The following TRAK1 variants were observed in gnomAD, a reference collection of about 807,000 sequenced individuals.
TRAK1 encodes the protein trafficking kinesin-binding protein 1.
In TRAK1, 33 loss-of-function variants were observed where a neutral mutation model predicts 92.1. The ratio of observed to expected loss-of-function variants is 0.36; its 90% CI spans 0.27 to 0.48. TRAK1 has a LOEUF of 0.48. TRAK1 is among the 20% of genes least tolerant of loss of function. The pLI is 0.99. For missense variants in TRAK1, 1,123 were observed against 1,257.9 expected (o/e 0.89, Z 1.62); for synonymous variants, 521 against 517.3 (o/e 1.01, Z -0.10).
At chr3:42,087,412 C>G (rs1704731101), upstream of TRAK1, 1 of 152,934 alleles carries the variant, frequency 6.5e-6, no homozygotes, top group African/African-American at 2.4e-5. Flanking sequence ...TATGGGGGCC[C>G]TTTCCCTGCC....
intron 1 of TRAK1, among the ~76,000 whole-genome samples, chr3:42,100,202 A>G (rs1706544195): frequency 6.6e-6 from 1 of 152,154 alleles, no homozygotes; most frequent in Admixed American, 6.6e-5. Context: ...TCCCATCTCT[A>G]CAAAAAATAC....
At chr3:42,042,508 A>G (rs1254007103) in intron 1 of TRAK1, among the ~76,000 whole-genome samples, 1 of 151,952 alleles carries the variant, frequency 6.6e-6, no homozygotes, top group East Asian at 1.9e-4. Context: ...AGTAGCTGAA[A>G]TTACAGGCAT....
At chr3:42,101,724 A>G (rs1532496) in intron 1 of TRAK1, among the ~76,000 whole-genome samples, 105,551 of 152,104 alleles carry the variant, frequency 0.69, 36,833 homozygotes, top group South Asian at 0.81. Flanking sequence ...TATGAAAATA[A>G]CAGAGGGCTG....
chr3:42,025,674 T>A (rs1234603805), intron 1 of TRAK1, among the ~76,000 whole-genome samples: 1 of 103,612 alleles, frequency 9.7e-6, no homozygotes, highest in African/African-American at 3.8e-5. Context: ...AAATAAAGCA[T>A]GAATGTGGGG....
chr3:42,160,558 G>GTTT lies in TRAK1; in HGVS notation c.287-16254_287-16252dup, dbSNP rs11370773. On this transcript the variant is annotated intron_variant, in intron 2 of 15. Coordinates refer to ENST00000327628, the MANE Select transcript of TRAK1 (RefSeq NM_001042646.3). ...AATGTTTTGCTGATTTCATAGCACTGTTTTGTTTTTGTTTTTTTTTAAGTT... is the reference window on the plus strand; with the variant it reads ...AATGTTTTGCTGATTTCATAGCACTGTTTTTTTGTTTTTGTTTTTTTTTAAGTT... 1.3e-3 allele frequency: 1,355 copies of GTTT among 1,078,470 alleles called. 10 individuals carry two copies. Among genetic ancestry groups the GTTT allele is most frequent in the Middle Eastern group, 1.7e-3 (7 of 4,200 alleles). The allele number at this position is 1,078,470 out of a possible 1,614,324, so 66.8% of individuals were successfully genotyped here.
chr3:42,123,020 C>G (rs776325742), intron 1 of TRAK1, among the ~76,000 whole-genome samples: 14 of 152,072 alleles, frequency 9.2e-5, no homozygotes, highest in African/African-American at 1.9e-4. Flanking sequence ...TTTGGAAAAC[C>G]ATGCTGACTT....
chr3:42,020,104 G>A (rs942206175), intron 1 of TRAK1, among the ~76,000 whole-genome samples: 2 of 152,200 alleles, frequency 1.3e-5, no homozygotes, highest in African/African-American at 4.8e-5. Context: ...ACAGCAGTGG[G>A]AAGAGGACAA....
At chr3:42,197,230 T>A (rs1317997330) in intron 10 of TRAK1, among the ~76,000 whole-genome samples, 1 of 152,096 alleles carries the variant, frequency 6.6e-6, no homozygotes, top group Non-Finnish European at 1.5e-5. Flanking sequence ...CATCCCTGAG[T>A]ATCTGAGGGG....
At position 42,134,050 on chromosome 3, in the gene TRAK1, T is replaced by C. The variant is rs144425689; in HGVS notation, c.286+8436T>C. On this transcript the variant is annotated intron_variant, in intron 2 of 15. Coordinates refer to ENST00000327628, the MANE Select transcript of TRAK1 (RefSeq NM_001042646.3). ...GTTGGGAACACACACATGACCATTT[T>C]TCCACTGGGAAAATGCTCAATTCAC... 8.2e-3 allele frequency among the ~76,000 whole-genome samples: 1,245 copies of C among 152,276 alleles called. 15 individuals are homozygous for C. Among genetic ancestry groups the C allele is most frequent in the African/African-American group, 0.027 (1,128 of 41,560 alleles).
intron 3 of TRAK1, among the ~76,000 whole-genome samples, chr3:42,180,723 A>C (rs931813364): frequency 3.4e-4 from 52 of 151,592 alleles, no homozygotes; most frequent in African/African-American, 1.2e-3. Flanking sequence ...TGGAGGGTGG[A>C]GAAAGAAAGG....
intron 4 of TRAK1, among the ~76,000 whole-genome samples, chr3:42,186,309 T>C (rs1195397450): frequency 6.6e-6 from 1 of 152,182 alleles, no homozygotes; most frequent in Non-Finnish European, 1.5e-5. Flanking sequence ...TATCAGAAAC[T>C]TTCTTAGTGG....
intron 3 of TRAK1, among the ~76,000 whole-genome samples, chr3:42,181,333 C>T (rs1172876953): frequency 2.0e-5 from 3 of 152,130 alleles, no homozygotes; most frequent in Non-Finnish European, 4.4e-5. Flanking sequence ...TACTTGAGGT[C>T]AGGAGTCCGA....
At chr3:42,100,150 A>G (rs1706536853) in intron 1 of TRAK1, among the ~76,000 whole-genome samples, 1 of 152,178 alleles carries the variant, frequency 6.6e-6, no homozygotes, top group Non-Finnish European at 1.5e-5. Flanking sequence ...GCTTCAGCCA[A>G]GGAATTTGAA....
chr3:42,055,494 G>T (rs1703165709), intron 1 of TRAK1, among the ~76,000 whole-genome samples: 1 of 152,158 alleles, frequency 6.6e-6, no homozygotes, highest in African/African-American at 2.4e-5. Flanking sequence ...AGGTTCTCTT[G>T]CTCTGTTGCC....
At position 42,202,446 on chromosome 3, in the gene TRAK1, C is replaced by T. The variant is rs762476544; in HGVS notation, c.1438C>T (p.Arg480Trp). Residue 480 changes from arginine to tryptophan, a missense_variant, in exon 13 of 16, where the codon CGG (arginine) becomes TGG (tryptophan). Physicochemically the swap from Arg to Trp is moderately radical, Grantham distance 101 (BLOSUM62 -3). Coordinates refer to ENST00000327628, the MANE Select transcript of TRAK1 (RefSeq NM_001042646.3). The surrounding 1 kb of genome is among the most constrained non-coding windows in gnomAD (Gnocchi z 6.1). ...CCTTTCTTCTTCCAGAAACGATGAG[C>T]GGAGTAAGAAGCCGGGGACGCCGGG... ...TEAADLGNDE[R>W]SKKPGTPGTP... 1.4e-5 allele frequency: 21 copies of T among 1,481,686 alleles called. No individual in the cohort carries two copies. The highest frequency in any genetic ancestry group is 1.0e-4 in the South Asian group (7 of 68,150). The allele number at this position is 1,481,686 out of a possible 1,614,324, so 91.8% of individuals were successfully genotyped here.
chr3:42,147,132 G>A (rs190190220), intron 2 of TRAK1, among the ~76,000 whole-genome samples: 33 of 152,224 alleles, frequency 2.2e-4, no homozygotes, highest in African/African-American at 6.3e-4. Context: ...CCAGAGATAG[G>A]ACAATATTAA....
intron 2 of TRAK1, among the ~76,000 whole-genome samples, chr3:42,141,421 AT>A (rs1698635862): frequency 1.3e-5 from 2 of 152,200 alleles, no homozygotes; most frequent in Non-Finnish European, 2.9e-5. Context: ...AATCTGTTTT[AT>A]ATTTTTCCAG....
At chr3:42,212,082 G>C in intron 14 of TRAK1, 1 of 985,394 alleles carries the variant, frequency 1.0e-6, no homozygotes, top group Non-Finnish European at 1.2e-6. Flanking sequence ...GGAATTACAG[G>C]ACCATTTTGA....
chr3:42,219,626 G>T, intron 15 of TRAK1, 30 bp downstream of exon 15: 5 of 1,593,422 alleles, frequency 3.1e-6, no homozygotes, highest in South Asian at 2.2e-5. Context: ...GGGTGGGCAG[G>T]GGTGGGGTGA....
Sources: gnomAD v4.1 joint callset for allele counts (sites outside exome capture counted in the v4.1 genomes callset) on GRCh38, gnomAD v4.1.1 for gene constraint, Gnocchi (gnomAD v3.1) non-coding constraint, MANE v1.5 for transcripts, NCBI Gene and HGNC (gene_info 2026-07-23, HGNC 2026-07-21) for gene names.